The following CAPZA1 variants were observed in gnomAD, a reference collection of about 807,000 sequenced individuals.
CAPZA1 encodes the protein F-actin-capping protein subunit alpha-1.
CAPZA1 carries 10 observed loss-of-function variants against 40.8 expected under a neutral mutation model. The observed-to-expected ratio is 0.25, with a 90% CI of 0.15 to 0.42. The LOEUF is 0.42. Ranked by LOEUF, CAPZA1 falls within the 10% of genes least tolerant of loss-of-function variation. The probability of loss-of-function intolerance (pLI) is 1.00; values close to 1 mark genes in which losing one functional copy is unlikely to be tolerated. For missense variants in CAPZA1, 277 were observed against 353.8 expected (o/e 0.78, Z 1.74); for synonymous variants, 98 against 115.0 (o/e 0.85, Z 0.95).
At chr1:112,654,328 G>T in intron 4 of CAPZA1, 137 bp from the exon 5 acceptor site, 1 of 605,594 alleles carries the variant, frequency 1.7e-6, no homozygotes. Context: ...TACGGGACTT[G>T]GTTGAAAAAT....
At position 112,621,320 on chromosome 1, in the gene CAPZA1, C is replaced by T. The variant is rs557747069; in HGVS notation, c.39+1437C>T. Among the ~76,000 whole-genome samples, 625 of 151,148 alleles carry T rather than the reference C, an allele frequency of 4.1e-3. 3 individuals carry two copies. Among genetic ancestry groups the T allele is most frequent in the African/African-American group, 0.015 (601 of 41,112 alleles). ...TTTTTTTTTGAGACGGAGTCTCGCT[C>T]GGCTCACTGCAACTTCCGCCTCCCT... On this transcript the variant is annotated intron_variant, in intron 1 of 9. Coordinates refer to ENST00000263168, the MANE Select transcript of CAPZA1 (RefSeq NM_006135.3).
chr1:112,658,580 C>G (rs1481073298), intron 5 of CAPZA1, among the ~76,000 whole-genome samples: 1 of 152,186 alleles, frequency 6.6e-6, no homozygotes, highest in Non-Finnish European at 1.5e-5. Context: ...AGAATAAAAT[C>G]TTAAACTTCT....
rs189346901 is a variant in CAPZA1 at position 112,670,788 on chromosome 1, A to C, written c.*656A>C. ...TGAACCACATTCCCTGCACATGAAC[A>C]TGTTTGCTTTTATCCCTTCTCTCAT... On this transcript the variant is annotated 3_prime_UTR_variant, in exon 10 of 10. Transcript: ENST00000263168. The C allele has an allele frequency of 6.5e-6, 1 of 152,742 alleles. No homozygotes were observed. The highest frequency in any genetic ancestry group is 6.5e-5 in the Admixed American group (1 of 15,286). 9.5% of individuals were successfully genotyped at this position (152,742 alleles called of 1,614,324 possible).
chr1:112,667,432 G>T (rs1313181050), intron 8 of CAPZA1, among the ~76,000 whole-genome samples: 1 of 152,120 alleles, frequency 6.6e-6, no homozygotes, highest in Non-Finnish European at 1.5e-5. Flanking sequence ...AATACCAAGA[G>T]CAAGGAAAGT....
intron 5 of CAPZA1, among the ~76,000 whole-genome samples, chr1:112,655,500 C>CA (rs11408839): frequency 0.71 from 107,967 of 151,732 alleles, 38,937 homozygotes; most frequent in South Asian, 0.86. Context: ...ACAAAAAAAA[C>CA]CAAACAATTT....
At chr1:112,638,938 G>GATATAGATATAGC (rs1557729650) in intron 1 of CAPZA1, among the ~76,000 whole-genome samples, 1 of 78,026 alleles carries the variant, frequency 1.3e-5, no homozygotes, top group African/African-American at 7.2e-5. Context: ...ATAGATATAG[G>GATATAGATATAGC]TATAGATATA....
chr1:112,650,633 C>G (rs1671367541), intron 3 of CAPZA1, among the ~76,000 whole-genome samples: 1 of 152,206 alleles, frequency 6.6e-6, no homozygotes, highest in Non-Finnish European at 1.5e-5. Flanking sequence ...TCTCACAAGG[C>G]AAGTTCTTCA....
In CAPZA1 at chr1:112,624,606, A is replaced by C. The variant is rs561892914; in HGVS notation, c.39+4723A>C. ...CTGGGCAACAGAGCAAAACTCCATC[A>C]AAAAAAAAAAAAAAAAAAAAAAAAA... is the stretch of plus-strand genomic sequence containing the variant. On this transcript the variant is annotated intron_variant, in intron 1 of 9. Transcript: ENST00000263168. 1.7e-4 allele frequency among the ~76,000 whole-genome samples: 3 copies of C among 17,162 alleles called. No homozygotes were observed. The South Asian group carries it at 0.011, about 63-fold the overall frequency. 11.3% of individuals were successfully genotyped at this position (17,162 alleles called of 152,430 possible).
intron 1 of CAPZA1, among the ~76,000 whole-genome samples, chr1:112,624,605 C>CAAAA (rs34860716): frequency 3.9e-4 from 22 of 55,830 alleles, no homozygotes; most frequent in African/African-American, 9.0e-4. Context: ...AAAACTCCAT[C>CAAAA]AAAAAAAAAA....
chr1:112,652,239 T>C (rs1277913950), intron 3 of CAPZA1, among the ~76,000 whole-genome samples: 1 of 151,980 alleles, frequency 6.6e-6, no homozygotes, highest in Non-Finnish European at 1.5e-5. Context: ...CCCAGCACTT[T>C]GGGAGGCTGA....
chr1:112,670,076 A>G lies in CAPZA1; in HGVS notation c.805A>G (p.Ile269Val), dbSNP rs763850861. 1 of 1,612,926 alleles carries G rather than the reference A, an allele frequency of 6.2e-7. No homozygotes were observed. The highest frequency in any genetic ancestry group is 1.1e-5 in the South Asian group (1 of 91,052). The part of the protein sequence containing the change: ...RRQLPVTRTK[I>V]DWNKILSYKI... ...GCAGCTTCCAGTTACCCGCACCAAA[A>G]TCGACTGGAACAAGATACTCAGCTA... Residue 269 changes from isoleucine (I) to valine (V), a missense_variant, in exon 10 of 10, where the codon ATC becomes GTC. Physicochemically the swap from Ile to Val is conservative, Grantham distance 29 (BLOSUM62 3). This residue lies in a region of CAPZA1 where 192 missense variants were observed against 277.2 expected (regional missense o/e 0.69). Transcript: ENST00000263168.
rs1340979031 is a variant in CAPZA1 at position 112,671,598 on chromosome 1, T to C, written c.*1466T>C. 6.6e-6 allele frequency: 1 copy of C among 152,640 alleles called. No individual in the cohort carries two copies. The highest frequency in any genetic ancestry group is 1.5e-5 in the Non-Finnish European group (1 of 68,028). 9.5% of individuals were successfully genotyped at this position (152,640 alleles called of 1,614,324 possible). ...TGTATCAGGTAGTCTAATAGAAATA[T>C]ACCTGTTTTGTTCTAAAATTGTCTG... is the stretch of plus-strand genomic sequence containing the variant. On this transcript the variant is annotated 3_prime_UTR_variant, in exon 10 of 10. Transcript: ENST00000263168.
chr1:112,638,237 C>T (rs1326979822), intron 1 of CAPZA1, among the ~76,000 whole-genome samples: 1 of 152,058 alleles, frequency 6.6e-6, no homozygotes, highest in Non-Finnish European at 1.5e-5. Flanking sequence ...TACCCTGAGG[C>T]ATGAGTGTAG....
chr1:112,619,844 G>C lies in CAPZA1; in HGVS notation c.-1G>C. ...GCCGGGCTGGGCCAGAACAGCCCAA[G>C]ATGGCCGACTTCGATGATCGTGTGT... On this transcript the variant is annotated 5_prime_UTR_variant, in exon 1 of 10. Transcript: ENST00000263168. 6.2e-7 allele frequency: 1 copy of C among 1,613,260 alleles called. No individual in the cohort carries two copies. Among genetic ancestry groups the C allele is most frequent in the Non-Finnish European group, 8.5e-7 (1 of 1,179,672 alleles).
chr1:112,660,430 G>A (rs1012641846), intron 7 of CAPZA1, among the ~76,000 whole-genome samples: 9 of 151,850 alleles, frequency 5.9e-5, no homozygotes, highest in Admixed American at 4.6e-4. Flanking sequence ...ACAGGCATGC[G>A]CCATCACGCC....
intron 1 of CAPZA1, among the ~76,000 whole-genome samples, chr1:112,635,063 C>T (rs912604461): frequency 2.0e-5 from 3 of 152,128 alleles, no homozygotes; most frequent in Non-Finnish European, 4.4e-5. Flanking sequence ...AAGGCAGTTT[C>T]CCTCCCAAAA....
rs773154233 is a variant in CAPZA1, at chr1:112,649,400, A to C, written c.104-18A>C. ...AAATTTATCCTCCACTGAACATTGT[A>C]ACATTTTTCCTCCTCAGACGTTCGG... On this transcript the variant is annotated intron_variant, in intron 2 of 9. Coordinates refer to ENST00000263168, the MANE Select transcript of CAPZA1 (RefSeq NM_006135.3). 21 of 1,602,536 alleles carry C rather than the reference A, an allele frequency of 1.3e-5. No individual in the cohort carries two copies. In the African/African-American group the frequency reaches 2.5e-4, roughly 19 times the overall value.
chr1:112,664,370 A>G (rs1274642291), intron 7 of CAPZA1, among the ~76,000 whole-genome samples: 4 of 152,130 alleles, frequency 2.6e-5, no homozygotes, highest in Non-Finnish European at 5.9e-5. Context: ...TGCCCTTCTA[A>G]TGATATCCAC....
chr1:112,655,627 G>A (rs960264086), intron 5 of CAPZA1, among the ~76,000 whole-genome samples: 5 of 151,988 alleles, frequency 3.3e-5, no homozygotes, highest in African/African-American at 9.7e-5. Context: ...CAGGGGCACC[G>A]TGTCAGCTCA....
Sources: gnomAD v4.1 joint callset for allele counts (sites outside exome capture counted in the v4.1 genomes callset) on GRCh38, gnomAD v4.1.1 for gene constraint, gnomAD v4.1.1 regional missense constraint, MANE v1.5 for transcripts, NCBI Gene and HGNC (gene_info 2026-07-23, HGNC 2026-07-21) for gene names.